SLC9A3: variants seen among roughly 807,000 people sequenced by gnomAD.
SLC9A3 encodes the protein sodium/hydrogen exchanger 3.
Under a neutral mutation model 86.8 loss-of-function variants are expected in SLC9A3, and 37 were observed. That is an observed-to-expected ratio of 0.43 (90% CI 0.33 to 0.56). The LOEUF (loss-of-function observed/expected upper bound fraction) is 0.56, where lower values mean the gene tolerates loss of function less well. Ranked by LOEUF, SLC9A3 falls within the 20% of genes least tolerant of loss-of-function variation. The pLI, the probability that SLC9A3 is intolerant of heterozygous loss-of-function variation, is 0.06. For synonymous variants in SLC9A3, 581 were observed against 528.3 expected (o/e 1.10, Z -1.37); for missense variants, 1,011 against 1,171.9 (o/e 0.86, Z 2.00).
chr5:523,153 C>T (rs556773144), intron 1 of SLC9A3, among the ~76,000 whole-genome samples: 1 of 152,140 alleles, frequency 6.6e-6, no homozygotes, highest in South Asian at 2.1e-4. Context: ...ATAGGGCAGG[C>T]GGCAGGCGTC....
chr5:517,034 G>A (rs1370627511), intron 1 of SLC9A3, among the ~76,000 whole-genome samples: 1 of 151,984 alleles, frequency 6.6e-6, no homozygotes, highest in Non-Finnish European at 1.5e-5. Flanking sequence ...CCATCCATTT[G>A]TCCATCCACT....
chr5:508,106 G>A (rs1189398556), intron 1 of SLC9A3, among the ~76,000 whole-genome samples: 1 of 152,266 alleles, frequency 6.6e-6, no homozygotes, highest in African/African-American at 2.4e-5. Context: ...AGGGGAAGGG[G>A]TGACCAGTGC....
intron 1 of SLC9A3, among the ~76,000 whole-genome samples, chr5:510,495 GGCT>G (rs1325327453): frequency 6.6e-6 from 1 of 152,188 alleles, no homozygotes; most frequent in African/African-American, 2.4e-5. Context: ...GGTGGGCAGG[GGCT>G]GCTGTTTTCT....
In SLC9A3 at chr5:475,041, C is replaced by T. The variant is rs367871906; in HGVS notation, c.2343G>A (p.Val781=). The T allele has an allele frequency of 1.2e-4, 201 of 1,612,132 alleles. No homozygotes were observed. Among genetic ancestry groups the T allele is most frequent in the Non-Finnish European group, 1.5e-4 (177 of 1,179,760 alleles). ...GCGTGCGGGCCCTCTGCGAGGGGACCACCGTCTCCCCGGGAGACAGCCAGG... is the reference window on the plus strand; with the variant it reads ...GCGTGCGGGCCCTCTGCGAGGGGACTACCGTCTCCCCGGGAGACAGCCAGG... ...LPPWLSPGET[V]VPSQRARTQI... Residue 781 remains valine, a synonymous_variant, in exon 16 of 17, where the codon GTG becomes GTA. Coordinates refer to ENST00000264938, the MANE Select transcript of SLC9A3 (RefSeq NM_004174.4).
In SLC9A3 at chr5:524,218, C is replaced by G. The variant is rs373169856; in HGVS notation, c.105G>C (p.Ala35=). Residue 35 remains alanine (A), a synonymous_variant, in exon 1 of 17, where the codon GCG becomes GCC. Transcript: ENST00000264938. ...AGGVEVEPGG[A]HGESGGFQVV... The stretch of plus-strand genomic sequence containing the variant: ...CCTGGAAGCCCCCGCTCTCGCCGTG[C>G]GCGCCGCCGGGCTCCACCTCGACGC... 4.0e-6 allele frequency: 6 copies of G among 1,515,082 alleles called. No homozygotes were observed. Among genetic ancestry groups the G allele is most frequent in the Admixed American group, 4.3e-5 (2 of 46,332 alleles). The allele number at this position is 1,515,082 out of a possible 1,614,324, so 93.9% of individuals were successfully genotyped here.
chr5:512,452 A>G (rs1438780348), intron 1 of SLC9A3, among the ~76,000 whole-genome samples: 1 of 152,074 alleles, frequency 6.6e-6, no homozygotes, highest in Non-Finnish European at 1.5e-5. Flanking sequence ...TAAACTGTGG[A>G]CCTTAATTAA....
chr5:481,936 C>T (rs369033134), intron 8 of SLC9A3, 132 bp downstream of exon 8: 27 of 315,592 alleles, frequency 8.6e-5, no homozygotes, highest in South Asian at 4.2e-4. Flanking sequence ...CCCCTCCTGG[C>T]CCAGCCCCAA....
At chr5:503,217 G>C (rs1434224624) in intron 1 of SLC9A3, among the ~76,000 whole-genome samples, 1 of 152,182 alleles carries the variant, frequency 6.6e-6, no homozygotes, top group Non-Finnish European at 1.5e-5. Context: ...AGACCAAGGA[G>C]AAAAAATGGT....
intron 1 of SLC9A3, among the ~76,000 whole-genome samples, chr5:518,526 G>A (rs1174152400): frequency 6.6e-6 from 1 of 152,188 alleles, no homozygotes; most frequent in African/African-American, 2.4e-5. Context: ...TTGTCTCAAG[G>A]GTGGGTGAGG....
At chr5:516,688 T>G (rs1417495640) in intron 1 of SLC9A3, among the ~76,000 whole-genome samples, 2 of 152,206 alleles carry the variant, frequency 1.3e-5, no homozygotes, top group African/African-American at 4.8e-5. Context: ...CATGACCCAC[T>G]CCTGAGAGAG....
chr5:475,259 G>A, intron 15 of SLC9A3, 127 bp from the exon 16 acceptor site: 2 of 979,274 alleles, frequency 2.0e-6, no homozygotes, highest in South Asian at 1.6e-5. Flanking sequence ...AGGGTCACGT[G>A]CCTTTCAGGT....
intron 16 of SLC9A3, among the ~76,000 whole-genome samples, chr5:474,569 G>A (rs1480328959): frequency 1.9e-5 from 1 of 52,688 alleles, no homozygotes; most frequent in Non-Finnish European, 3.4e-5. Context: ...TGGAGGGAGA[G>A]GAGCTGCGGA....
chr5:502,429 A>G (rs1740320370), intron 1 of SLC9A3, among the ~76,000 whole-genome samples: 1 of 152,222 alleles, frequency 6.6e-6, no homozygotes, highest in African/African-American at 2.4e-5. Flanking sequence ...AAGCAGCAAC[A>G]AGCTTCAGCT....
intron 5 of SLC9A3, 51 bp from the exon 6 acceptor site, chr5:483,533 GGC>G: frequency 7.4e-7 from 1 of 1,354,580 alleles, no homozygotes; most frequent in Non-Finnish European, 1.0e-6. Flanking sequence ...TGGCGCCCGA[GGC>G]CCCCGTGTCC....
intron 3 of SLC9A3, among the ~76,000 whole-genome samples, chr5:486,058 GC>G (rs1463611231): frequency 2.0e-5 from 3 of 152,298 alleles, no homozygotes; most frequent in South Asian, 2.1e-4. Context: ...AGAATATCTT[GC>G]CGTCTGGTGT....
chr5:498,103 G>T (rs186233529), intron 1 of SLC9A3, among the ~76,000 whole-genome samples: 1 of 152,122 alleles, frequency 6.6e-6, no homozygotes, highest in Non-Finnish European at 1.5e-5. Flanking sequence ...GACGTCTCTC[G>T]GACCTTTCGC....
rs41282627 is a variant in SLC9A3 at position 477,393 on chromosome 5, C to A, written c.1699G>T (p.Val567Leu). Reference sequence around the variant, plus strand: ...CGTGGCGTGAAGTCCACGTTGACCACGTTGTCGGTGCTGGGGGAGCGGATG... The same window carrying A: ...CGTGGCGTGAAGTCCACGTTGACCAAGTTGTCGGTGCTGGGGGAGCGGATG... ...AFIRSPSTDN[V>L]VNVDFTPRSS... is the part of the protein sequence containing the mutation. Residue 567 changes from valine to leucine, a missense_variant, in exon 11 of 17, where the codon GTG (valine) becomes TTG (leucine). Around this residue, in one of 3 missense-constraint regions of SLC9A3, gnomAD observed 565 missense variants for 790.0 expected, o/e 0.72. Transcript: ENST00000264938. 6.2e-7 allele frequency: 1 copy of A among 1,613,052 alleles called. No homozygotes were observed. Among genetic ancestry groups the A allele is most frequent in the Non-Finnish European group, 8.5e-7 (1 of 1,179,794 alleles).
intron 1 of SLC9A3, among the ~76,000 whole-genome samples, chr5:510,644 G>A (rs957633795): frequency 1.3e-5 from 2 of 152,236 alleles, no homozygotes; most frequent in Admixed American, 6.5e-5. Context: ...CTGAGGGCCC[G>A]CTACCCACAG....
In SLC9A3 at chr5:488,380, T is replaced by C. The variant is rs751145859; in HGVS notation, c.611A>G (p.His204Arg). Residue 204 changes from histidine (H) to arginine (R), a missense_variant, in exon 3 of 17, where the codon CAT (histidine) becomes CGT (arginine). Coordinates refer to ENST00000264938, the MANE Select transcript of SLC9A3 (RefSeq NM_004174.4). ...GATGATGAACAGGACCTCGTTGACA[T>C]GGACCTCCTCAAACACGGCCAGGAC... Reference protein sequence around the residue: ...VAVLAVFEEVHVNEVLFIIVF... With the variant: ...VAVLAVFEEVRVNEVLFIIVF... The C allele has an allele frequency of 6.2e-6, 10 of 1,612,264 alleles. No homozygotes were observed. The highest frequency in any genetic ancestry group is 1.3e-5 in the African/African-American group (1 of 74,898).
Sources: gnomAD v4.1 joint callset for allele counts (sites outside exome capture counted in the v4.1 genomes callset) on GRCh38, gnomAD v4.1.1 for gene constraint, gnomAD v4.1.1 regional missense constraint, MANE v1.5 for transcripts, NCBI Gene and HGNC (gene_info 2026-07-23, HGNC 2026-07-21) for gene names.